Variants in PLPPR4 observed in about 807,000 individuals in gnomAD.
PLPPR4 encodes phospholipid phosphatase-related protein type 4.
A neutral mutation model predicts 56.6 loss-of-function variants in PLPPR4; 24 were observed. The ratio of observed to expected loss-of-function variants is 0.42; its 90% confidence interval spans 0.31 to 0.60. The LOEUF (loss-of-function observed/expected upper bound fraction) is 0.60, where lower values mean the gene tolerates loss of function less well. Among genes scored for constraint, PLPPR4 ranks in the 20% least tolerant of loss-of-function variants. The pLI is 0.13. For missense variants in PLPPR4, 654 were observed against 885.8 expected, an observed-to-expected ratio of 0.74 and a Z score of 3.32; for synonymous variants, 326 against 328.1, an observed-to-expected ratio of 0.99 and a Z score of 0.07.
chr1:99,266,233 A>G (rs1658893179), intron 1 of PLPPR4, among the ~76,000 whole-genome samples: 2 of 152,194 alleles, frequency 1.3e-5, no homozygotes, highest in Non-Finnish European at 2.9e-5. Flanking sequence ...TAGTGATTTC[A>G]TTTGTGTCTG....
rs903082339 is a variant in PLPPR4 at position 99,268,960 on chromosome 1, G to T, written c.78+4289G>T. On this transcript the variant is annotated intron_variant, in intron 1 of 6. Transcript: ENST00000370185. The stretch of plus-strand genomic sequence containing the variant: ...TTATTATTATACTTTAAGTTCTGGG[G>T]TACATGTGCAGAACATGCAGTTTTG... Among the ~76,000 whole-genome samples the T allele has an allele frequency of 3.9e-5, 6 of 152,152 alleles. No homozygotes were observed. The South Asian group carries it at 1.2e-3, about 32-fold the overall frequency.
At chr1:99,264,461 T>A (rs749073248), upstream of PLPPR4, 5 of 1,503,322 alleles carry the variant, frequency 3.3e-6, no homozygotes, top group Admixed American at 2.4e-5. Flanking sequence ...TGCAGCGCGC[T>A]GGCTCCAGCG....
At chr1:99,298,789 T>A in intron 3 of PLPPR4, 1 of 615,054 alleles carries the variant, frequency 1.6e-6, no homozygotes, top group Non-Finnish European at 2.9e-6. Flanking sequence ...ATGTTAAGAA[T>A]TGGCACTTTA....
At position 99,306,814 on chromosome 1, in the gene PLPPR4, G is replaced by A; in HGVS notation, c.1952G>A (p.Gly651Glu). The A allele has an allele frequency of 1.2e-6, 2 of 1,614,034 alleles. No individual in the cohort carries two copies. The highest frequency in any genetic ancestry group is 1.3e-5 in the African/African-American group (1 of 75,040). The part of the protein sequence containing the change: ...NIDSNEHHHH[G>E]ITTIRVTPVE... ...GATAGCAATGAGCATCACCACCACG[G>A]AATTACCACCATCCGCGTCACCCCA... The change falls in exon 7 of 7, where the codon GGA (glycine) becomes GAA (glutamate). Residue 651 changes from glycine to glutamate, a missense_variant. This residue lies in a region of PLPPR4 where 468 missense variants were observed against 554.3 expected (regional missense o/e 0.84). Transcript: ENST00000370185. The surrounding 1 kb of genome is among the most constrained non-coding windows in gnomAD (Gnocchi z 4.0).
rs1660037925 is a variant in PLPPR4 at position 99,306,613 on chromosome 1, C to T, written c.1751C>T (p.Pro584Leu). 4 of 1,614,060 alleles carry T rather than the reference C, an allele frequency of 2.5e-6. No individual in the cohort carries two copies. The highest frequency in any genetic ancestry group is 3.4e-6 in the Non-Finnish European group (4 of 1,180,006). The change falls in exon 7 of 7, where the codon CCC (proline) becomes CTC (leucine). Residue 584 changes from proline (P) to leucine (L), a missense_variant. Coordinates refer to ENST00000370185, the MANE Select transcript of PLPPR4 (RefSeq NM_014839.5). This position sits in a 1 kb window ranked among gnomAD's most constrained non-coding sequence, Gnocchi z 4.0. ...GAGGCTCACCCAGAGAACAACAGGC[C>T]CATCATACAGATCCCGTCCACTGAA... ...RVEAHPENNR[P>L]IIQIPSTEGE...
chr1:99,295,540 C>T (rs1189337404), intron 2 of PLPPR4, among the ~76,000 whole-genome samples: 1 of 152,134 alleles, frequency 6.6e-6, no homozygotes, highest in Non-Finnish European at 1.5e-5. Context: ...TAAGAGACTG[C>T]TTGTATCTCA....
chr1:99,303,969 T>C (rs1426489556), intron 6 of PLPPR4, among the ~76,000 whole-genome samples: 3 of 152,222 alleles, frequency 2.0e-5, no homozygotes, highest in Admixed American at 6.5e-5. Context: ...GGAATTAGCA[T>C]GGGATTTATA....
At chr1:99,304,740 T>C (rs1397578630) in intron 6 of PLPPR4, among the ~76,000 whole-genome samples, 8 of 152,198 alleles carry the variant, frequency 5.3e-5, no homozygotes, top group Non-Finnish European at 2.9e-5. Flanking sequence ...AAATCAATAT[T>C]TTTTTGTTTT....
At chr1:99,269,548 C>T (rs55892123) in intron 1 of PLPPR4, among the ~76,000 whole-genome samples, 5,872 of 152,328 alleles carry the variant, frequency 0.039, 149 homozygotes, top group Non-Finnish European at 0.057. Context: ...TCTCATTAGT[C>T]ATCCTGCTCA....
At chr1:99,279,194 A>C (rs1237136364) in intron 1 of PLPPR4, among the ~76,000 whole-genome samples, 2 of 152,202 alleles carry the variant, frequency 1.3e-5, no homozygotes, top group Admixed American at 1.3e-4. Flanking sequence ...GTCGCTGAAT[A>C]AGAGAGAATG....
At chr1:99,265,464 G>A (rs1230344339) in intron 1 of PLPPR4, among the ~76,000 whole-genome samples, 2 of 152,166 alleles carry the variant, frequency 1.3e-5, no homozygotes, top group Non-Finnish European at 2.9e-5. Flanking sequence ...TCATAGGAGT[G>A]TTATAAAGAT....
At chr1:99,263,750 C>G (rs114497909), upstream of PLPPR4, among the ~76,000 whole-genome samples, 491 of 152,290 alleles carry the variant, frequency 3.2e-3, 2 homozygotes, top group African/African-American at 0.011. Context: ...AATACTGACA[C>G]TGTTCTGGGG....
At position 99,305,866 on chromosome 1, in the gene PLPPR4, C is replaced by T. The variant is rs1347652645; in HGVS notation, c.1004C>T (p.Ala335Val). ...ATCCTCAACCGAAACCACAGAGATGCTAGCTCTCTGACAAATCTCAAAAGA... is the reference window on the plus strand; with the variant it reads ...ATCCTCAACCGAAACCACAGAGATGTTAGCTCTCTGACAAATCTCAAAAGA... ...EGILNRNHRDASSLTNLKRAN... is the reference protein window; with the variant it reads ...EGILNRNHRDVSSLTNLKRAN... Residue 335 changes from alanine (A) to valine (V), a missense_variant, in exon 7 of 7, where the codon GCT becomes GTT. This residue lies in a region of PLPPR4 where 468 missense variants were observed against 554.3 expected (regional missense o/e 0.84). Coordinates refer to ENST00000370185, the MANE Select transcript of PLPPR4 (RefSeq NM_014839.5). The T allele has an allele frequency of 6.2e-7, 1 of 1,613,990 alleles. No homozygotes were observed. Among genetic ancestry groups the T allele is most frequent in the South Asian group, 1.1e-5 (1 of 91,068 alleles).
intron 1 of PLPPR4, among the ~76,000 whole-genome samples, chr1:99,265,147 C>T (rs1372389829): frequency 5.1e-5 from 2 of 39,070 alleles, no homozygotes; most frequent in Non-Finnish European, 9.0e-5. Flanking sequence ...TGCTCCTGCC[C>T]CCCCCCCCCA....
At chr1:99,290,057 C>T (rs558252923) in intron 2 of PLPPR4, among the ~76,000 whole-genome samples, 1 of 152,246 alleles carries the variant, frequency 6.6e-6, no homozygotes, top group South Asian at 2.1e-4. Flanking sequence ...TGTCTCAGTC[C>T]AAAAGCTTCT....
At chr1:99,264,897 T>TG (rs1658851847) in intron 1 of PLPPR4, among the ~76,000 whole-genome samples, 1 of 152,120 alleles carries the variant, frequency 6.6e-6, no homozygotes, top group African/African-American at 2.4e-5. Flanking sequence ...CGCTGCTGGG[T>TG]GGCCTGCAGG....
At chr1:99,304,669 T>C (rs571820699) in intron 6 of PLPPR4, among the ~76,000 whole-genome samples, 23 of 152,312 alleles carry the variant, frequency 1.5e-4, no homozygotes, top group Non-Finnish European at 2.8e-4. Context: ...TGCCCTGAAA[T>C]TGGAAAATTT....
In PLPPR4 at chr1:99,305,805, G is replaced by T; in HGVS notation, c.943G>T (p.Gly315Cys). 1 of 1,614,038 alleles carries T rather than the reference G, an allele frequency of 6.2e-7. No individual in the cohort carries two copies. The highest frequency in any genetic ancestry group is 8.5e-7 in the Non-Finnish European group (1 of 1,180,022). The change falls in exon 7 of 7, where the codon GGT becomes TGT. Residue 315 changes from glycine to cysteine, a missense_variant. Physicochemically the swap from Gly to Cys is radical, Grantham distance 159 (BLOSUM62 -3). Around this residue, in one of 2 missense-constraint regions of PLPPR4, gnomAD observed 468 missense variants for 554.3 expected, o/e 0.84. Coordinates refer to ENST00000370185, the MANE Select transcript of PLPPR4 (RefSeq NM_014839.5). ...CAACCGACTTTTATCTGCTAAAAAT[G>T]GTAGCAGCAGTGATGGAATTGCTCA... ...DPNRLLSAKNGSSSDGIAHTE... is the reference protein window; with the variant it reads ...DPNRLLSAKNCSSSDGIAHTE...
At chr1:99,277,758 A>G (rs1659227425) in intron 1 of PLPPR4, among the ~76,000 whole-genome samples, 1 of 152,016 alleles carries the variant, frequency 6.6e-6, no homozygotes, top group South Asian at 2.1e-4. Flanking sequence ...GCTTCAAACT[A>G]GATCTTTTTC....
Sources: gnomAD v4.1 joint callset for allele counts (sites outside exome capture counted in the v4.1 genomes callset) on GRCh38, gnomAD v4.1.1 for gene constraint, gnomAD v4.1.1 regional missense constraint, Gnocchi (gnomAD v3.1) non-coding constraint, MANE v1.5 for transcripts, NCBI Gene and HGNC (gene_info 2026-07-23, HGNC 2026-07-21) for gene names.